Variants in PYGB observed in about 807,000 individuals in gnomAD.
PYGB encodes the protein glycogen phosphorylase, brain form.
In PYGB, 82 loss-of-function variants were observed where a neutral mutation model predicts 94.3. The observed-to-expected ratio is 0.87, with a 90% CI of 0.73 to 1.04. The LOEUF (loss-of-function observed/expected upper bound fraction) is 1.04, where lower values mean the gene tolerates loss of function less well. Ranked by LOEUF, PYGB falls within the 50% of genes least tolerant of loss-of-function variation. The probability of loss-of-function intolerance (pLI) is 0.00; values close to 1 mark genes in which losing one functional copy is unlikely to be tolerated. For missense variants in PYGB, 1,132 were observed against 1,158.2 expected (o/e 0.98, Z 0.33); for synonymous variants, 488 against 479.1 (o/e 1.02, Z -0.24).
intron 1 of PYGB, among the ~76,000 whole-genome samples, chr20:25,250,536 T>C (rs745709772): frequency 2.4e-4 from 36 of 152,290 alleles, no homozygotes; most frequent in Admixed American, 5.2e-4. Context: ...ACATGGAAAA[T>C]TGGGATTTAA....
intron 15 of PYGB, chr20:25,288,688 T>A: frequency 1.6e-6 from 1 of 616,678 alleles, no homozygotes; most frequent in Non-Finnish European, 2.8e-6. Flanking sequence ...CCCAGCTCAC[T>A]GGAGGGGTCC....
At chr20:25,271,656 C>G (rs1372125860) in intron 4 of PYGB, among the ~76,000 whole-genome samples, 170 bp downstream of exon 4, 1 of 152,222 alleles carries the variant, frequency 6.6e-6, no homozygotes, top group Non-Finnish European at 1.5e-5. Context: ...GCTTCTTGGT[C>G]CACATGGCCT....
intron 2 of PYGB, among the ~76,000 whole-genome samples, chr20:25,267,019 A>C (rs1046430432): frequency 1.3e-5 from 2 of 152,224 alleles, no homozygotes; most frequent in Non-Finnish European, 2.9e-5. Flanking sequence ...ACATATGTCT[A>C]CATGAAAAGC....
chr20:25,259,640 CACCAGTGGTTGG>C (rs1215271575), intron 2 of PYGB, among the ~76,000 whole-genome samples: 2 of 152,216 alleles, frequency 1.3e-5, no homozygotes, highest in African/African-American at 4.8e-5. Flanking sequence ...TAGAGCACTG[CACCAGTGGTTGG>C]TATTATTCCA....
intron 13 of PYGB, among the ~76,000 whole-genome samples, chr20:25,283,641 G>A (rs757993478): frequency 2.0e-5 from 3 of 152,190 alleles, no homozygotes; most frequent in Non-Finnish European, 2.9e-5. Flanking sequence ...GCAGGTGCAC[G>A]AGCTGTCTGC....
intron 16 of PYGB, 147 bp from the exon 17 acceptor site, chr20:25,292,259 C>CGGGTGTGGGAGCA: frequency 1.2e-6 from 1 of 842,940 alleles, no homozygotes; most frequent in Non-Finnish European, 1.8e-6. Context: ...CCTGTGGGAG[C>CGGGTGTGGGAGCA]GGGAGTGGGG....
At chr20:25,265,786 A>G (rs900515463) in intron 2 of PYGB, among the ~76,000 whole-genome samples, 14 of 151,810 alleles carry the variant, frequency 9.2e-5, no homozygotes, top group Non-Finnish European at 1.0e-4. Context: ...TAGTAGAGAC[A>G]GGGTTTCACC....
chr20:25,280,466 G>GC (rs2088356418), intron 10 of PYGB, 54 bp downstream of exon 10: 4 of 1,586,848 alleles, frequency 2.5e-6, no homozygotes, highest in East Asian at 2.2e-5. Flanking sequence ...CATGCCAACG[G>GC]CCCCCCACCT....
At chr20:25,283,096 A>G (rs535071992) in intron 12 of PYGB, 80 bp from the exon 13 acceptor site, 293 of 1,205,612 alleles carry the variant, frequency 2.4e-4, no homozygotes, top group Admixed American at 6.4e-4. Context: ...GTGGGCAACA[A>G]TGGGAGGAGG....
At chr20:25,278,585 T>C (rs1470772408) in intron 8 of PYGB, 123 bp downstream of exon 8, 6 of 1,337,514 alleles carry the variant, frequency 4.5e-6, no homozygotes, top group Non-Finnish European at 6.0e-6. Context: ...TGTCTTGGGG[T>C]CTCGTCATTC....
At chr20:25,270,438 G>A (rs540362807) in intron 3 of PYGB, among the ~76,000 whole-genome samples, 5 of 152,084 alleles carry the variant, frequency 3.3e-5, no homozygotes, top group South Asian at 2.1e-4. Context: ...TCCTGACCTC[G>A]TGATCTGCCC....
chr20:25,290,553 G>T lies in PYGB; in HGVS notation c.1900G>T (p.Asp634Tyr). 1 of 1,611,818 alleles carries T rather than the reference G, an allele frequency of 6.2e-7. No individual in the cohort carries two copies. The highest frequency in any genetic ancestry group is 8.5e-7 in the Non-Finnish European group (1 of 1,177,946). The change falls in exon 16 of 20, where the codon GAC becomes TAC. Residue 634 changes from aspartate to tyrosine, a missense_variant. Asp to Tyr is a radical substitution (Grantham distance 160, BLOSUM62 -3). Transcript: ENST00000216962. ...VTSIGDVVNH[D>Y]PVVGDRLKVI... ...CTCCATCGGCGACGTCGTCAATCAT[G>T]ACCCAGTTGTGGGTGACAGGTTGAA...
chr20:25,278,522 A>C, intron 8 of PYGB, 60 bp downstream of exon 8: 1 of 1,594,284 alleles, frequency 6.3e-7, no homozygotes, highest in African/African-American at 1.3e-5. Context: ...CAGGCTCTTG[A>C]GGTTGCTTTC....
intron 19 of PYGB, 114 bp downstream of exon 19, chr20:25,295,784 G>A: frequency 3.3e-6 from 4 of 1,212,468 alleles, no homozygotes; most frequent in South Asian, 2.5e-5. Flanking sequence ...GGCCAGAGGG[G>A]TTTGTGATTC....
intron 1 of PYGB, among the ~76,000 whole-genome samples, chr20:25,251,792 C>T (rs1246032205): frequency 1.3e-5 from 2 of 152,214 alleles, no homozygotes; most frequent in Admixed American, 6.5e-5. Context: ...TGAGACTCTT[C>T]CCATAAGCTC....
chr20:25,284,563 T>G (rs1228339836), intron 14 of PYGB, among the ~76,000 whole-genome samples: 1 of 152,136 alleles, frequency 6.6e-6, no homozygotes, highest in Non-Finnish European at 1.5e-5. Flanking sequence ...GTCCCCCAAG[T>G]AGCTGGGACT....
intron 13 of PYGB, 114 bp from the exon 14 acceptor site, chr20:25,283,989 AC>A: frequency 7.8e-7 from 1 of 1,284,124 alleles, no homozygotes; most frequent in Admixed American, 2.1e-5. Context: ...CAGCCTGTAT[AC>A]CCCTGCCCCC....
rs2088545889 is a variant in PYGB at position 25,296,406 on chromosome 20, A to G, written c.2416A>G (p.Ile806Val). 1.9e-6 allele frequency: 3 copies of G among 1,614,092 alleles called. No individual in the cohort carries two copies. Among genetic ancestry groups the G allele is most frequent in the East Asian group, 2.2e-5 (1 of 44,878 alleles). Residue 806 changes from isoleucine to valine, a missense_variant, in exon 20 of 20, where the codon ATC becomes GTC. Transcript: ENST00000216962. Reference sequence around the variant, plus strand: ...GTGGACCAAGAAGGTCATCAGGAACATCGCCTGCTCGGGCAAGTTCTCCAG... The same window carrying G: ...GTGGACCAAGAAGGTCATCAGGAACGTCGCCTGCTCGGGCAAGTTCTCCAG... ...KEWTKKVIRNIACSGKFSSDR... is the reference protein window; with the variant it reads ...KEWTKKVIRNVACSGKFSSDR...
intron 5 of PYGB, among the ~76,000 whole-genome samples, 160 bp from the exon 6 acceptor site, chr20:25,276,486 G>A (rs1600731504): frequency 6.6e-6 from 1 of 152,006 alleles, no homozygotes; most frequent in East Asian, 1.9e-4. Flanking sequence ...GGAGACTGTG[G>A]TGCCGAGCAT....
Sources: allele counts gnomAD v4.1 joint callset (sites outside exome capture counted in the v4.1 genomes callset), GRCh38; gene constraint gnomAD v4.1.1; transcripts MANE v1.5; gene names NCBI Gene and HGNC (gene_info 2026-07-23, HGNC 2026-07-21).